Variants in EXOSC10 observed in about 807,000 individuals in gnomAD.
EXOSC10 encodes the protein exosome component 10.
In EXOSC10, 94 loss-of-function variants were observed where a neutral mutation model predicts 126.6. The ratio of observed to expected loss-of-function variants is 0.74; its 90% CI spans 0.63 to 0.88. The LOEUF (loss-of-function observed/expected upper bound fraction) is 0.88, where lower values mean the gene tolerates loss of function less well. Ranked by LOEUF, EXOSC10 falls within the 40% of genes least tolerant of loss-of-function variation. The pLI, the probability that EXOSC10 is intolerant of heterozygous loss-of-function variation, is 0.00. For missense variants in EXOSC10, 1,041 were observed against 1,100.5 expected (o/e 0.95, Z 0.77); for synonymous variants, 395 against 400.8 (o/e 0.99, Z 0.17).
intron 19 of EXOSC10, 58 bp from the exon 20 acceptor site, chr1:11,072,229 T>A: frequency 7.5e-7 from 1 of 1,336,132 alleles, no homozygotes; most frequent in Non-Finnish European, 1.1e-6. Flanking sequence ...CCTAAGTCTG[T>A]CTTACTTTTC....
intron 2 of EXOSC10, among the ~76,000 whole-genome samples, chr1:11,097,725 C>CA (rs561697293): frequency 0.048 from 6,244 of 129,450 alleles, 352 homozygotes; most frequent in African/African-American, 0.13. Context: ...GACTCCGTCT[C>CA]AAAAAAAAAA....
chr1:11,091,626 A>G lies in EXOSC10; in HGVS notation c.373-29T>C, dbSNP rs748028426. 12 of 1,569,584 alleles carry G rather than the reference A, an allele frequency of 7.6e-6. No individual in the cohort carries two copies. The East Asian group carries it at 1.1e-4, about 15-fold the overall frequency. On this transcript the variant is annotated intron_variant, in intron 3 of 24. Transcript: ENST00000376936. ...AGAGTAGAAGAGGTACTGGTTAAGC[A>G]TTTTTCCTTTTGAGGTTAGCAGAGT...
chr1:11,077,686 G>A, intron 14 of EXOSC10, 35 bp from the exon 15 acceptor site: 1 of 1,586,754 alleles, frequency 6.3e-7, no homozygotes, highest in Non-Finnish European at 8.6e-7. Flanking sequence ...GAGGAAAGTT[G>A]CCCAAGCACC....
chr1:11,096,626 G>A (rs1024121497), intron 2 of EXOSC10, among the ~76,000 whole-genome samples: 1 of 151,090 alleles, frequency 6.6e-6, no homozygotes, highest in South Asian at 2.1e-4. Flanking sequence ...TGGGAGTGGT[G>A]CACCACCACT....
rs1570846441 is a variant in EXOSC10 at position 11,090,609 on chromosome 1, G to C, written c.703C>G (p.Pro235Ala). Residue 235 changes from proline (P) to alanine (A), a missense_variant, in exon 6 of 25, where the codon CCT (proline) becomes GCT (alanine). By Grantham distance (27) the Pro-to-Ala change is conservative. Transcript: ENST00000376936. ...TGATGGATGAAATCAGCCAGTGCAG[G>C]GGGGACGTCCAAGTCCTCAGGACGA... is the stretch of plus-strand genomic sequence containing the variant. ...QDRPEDLDVPPALADFIHQQR... is the reference protein window; with the variant it reads ...QDRPEDLDVPAALADFIHQQR... 4 of 1,614,116 alleles carry C rather than the reference G, an allele frequency of 2.5e-6. No individual in the cohort carries two copies. The South Asian group carries it at 4.4e-5, about 18-fold the overall frequency.
chr1:11,068,949 G>C, intron 22 of EXOSC10: 1 of 562,582 alleles, frequency 1.8e-6, no homozygotes, highest in Non-Finnish European at 3.2e-6. Context: ...TTAGGGGCAG[G>C]TGGCTACAGC....
At chr1:11,074,138 C>G (rs1378131331) in intron 18 of EXOSC10, 93 bp downstream of exon 18, 1 of 1,384,512 alleles carries the variant, frequency 7.2e-7, no homozygotes, top group African/African-American at 1.4e-5. Flanking sequence ...GCAGCCGACA[C>G]ACTGGCTTCA....
At position 11,077,356 on chromosome 1, in the gene EXOSC10, C is replaced by T. The variant is rs368328243; in HGVS notation, c.1879+9G>A. The T allele has an allele frequency of 3.9e-5, 63 of 1,606,760 alleles. No homozygotes were observed. The highest frequency in any genetic ancestry group is 3.6e-4 in the East Asian group (16 of 44,686). On this transcript the variant is annotated intron_variant, in intron 16 of 24. Transcript: ENST00000376936. Reference sequence around the variant, plus strand: ...TCTTCGGGACAGTCAGGAGGGCTCTCGACTTTACCACTGGTTGGGATGATT... The same window carrying T: ...TCTTCGGGACAGTCAGGAGGGCTCTTGACTTTACCACTGGTTGGGATGATT...
chr1:11,090,510 G>C (rs375671808), intron 6 of EXOSC10, 44 bp downstream of exon 6: 1 of 1,491,664 alleles, frequency 6.7e-7, no homozygotes, highest in African/African-American at 1.4e-5. Context: ...GTGGCAAAAA[G>C]GTAAGTACTC....
At position 11,070,720 on chromosome 1, in the gene EXOSC10, T is replaced by C. The variant is rs1570787389; in HGVS notation, c.2316+180A>G. On this transcript the variant is annotated intron_variant, in intron 21 of 24. Transcript: ENST00000376936. ...AAGAAGGTTAAGAGGAATTACAATA[T>C]CAATCTTGTGGAGGTTTCGGAAATG... 28 of 589,602 alleles carry C rather than the reference T, an allele frequency of 4.7e-5. No individual in the cohort carries two copies. In the East Asian group the frequency reaches 7.8e-4, roughly 16 times the overall value. 36.5% of individuals were successfully genotyped at this position (589,602 alleles called of 1,614,324 possible). A position where few individuals can be genotyped will look rare whatever the true frequency, so the allele number is the denominator to read the frequency against.
At chr1:11,068,759 C>T in intron 22 of EXOSC10, 53 bp from the exon 23 acceptor site, 1 of 1,417,044 alleles carries the variant, frequency 7.1e-7, no homozygotes. Flanking sequence ...AGTTACCACA[C>T]ATCACAGGCT....
At position 11,076,957 on chromosome 1, in the gene EXOSC10, G is replaced by A. The variant is rs1557700017; in HGVS notation, c.1880-9C>T. ...CTGAACTGGCACAGATCCTAGAGGA[G>A]CAGAAGATAGTAAGGTCAAAGCCTA... On this transcript the variant is annotated splice_polypyrimidine_tract_variant and intron_variant, in intron 16 of 24. Transcript: ENST00000376936. 7 of 1,602,002 alleles carry A rather than the reference G, an allele frequency of 4.4e-6. No individual in the cohort carries two copies. Among genetic ancestry groups the A allele is most frequent in the South Asian group, 1.1e-5 (1 of 90,838 alleles).
chr1:11,080,911 T>G lies in EXOSC10; in HGVS notation c.1439A>C (p.Lys480Thr). Residue 480 changes from lysine (K) to threonine (T), a missense_variant and splice_region_variant, in exon 12 of 25, where the codon AAA (lysine) becomes ACA (threonine). Lys to Thr is a moderately conservative substitution (Grantham distance 78). Transcript: ENST00000376936. ...WQRSRDICLKKFIKPIFTDES... is the reference protein window; with the variant it reads ...WQRSRDICLKTFIKPIFTDES... ...ATCCGTGAAGATAGGTTTGATGAAT[T>G]TCTACAAAGTATTAGAGAACATTCA... is the stretch of plus-strand genomic sequence containing the variant. The G allele has an allele frequency of 6.2e-7, 1 of 1,603,794 alleles. No individual in the cohort carries two copies. The highest frequency in any genetic ancestry group is 1.7e-4 in the Middle Eastern group (1 of 5,972).
At chr1:11,089,345 C>T (rs1216472952) in intron 6 of EXOSC10, among the ~76,000 whole-genome samples, 3 of 150,954 alleles carry the variant, frequency 2.0e-5, no homozygotes, top group African/African-American at 4.9e-5. Flanking sequence ...TGCGGTGGCT[C>T]GGGCCTGTAA....
chr1:11,069,024 G>C lies in EXOSC10; in HGVS notation c.2489-318C>G, dbSNP rs961986848. The C allele has an allele frequency of 1.1e-5, 4 of 376,080 alleles. No individual in the cohort carries two copies. The East Asian group carries it at 2.1e-4, about 20-fold the overall frequency. 23.3% of individuals were successfully genotyped at this position (376,080 alleles called of 1,614,324 possible). A position where few individuals can be genotyped will look rare whatever the true frequency, so the allele number is the denominator to read the frequency against. ...TGCTGGGTGATGCCATAAGGAACTC[G>C]GGCTCTGAGGCGACACTCCTGTATA... On this transcript the variant is annotated intron_variant, in intron 22 of 24. Transcript: ENST00000376936.
chr1:11,084,046 G>A (rs1302151734), intron 9 of EXOSC10, among the ~76,000 whole-genome samples: 1 of 152,150 alleles, frequency 6.6e-6, no homozygotes, highest in Non-Finnish European at 1.5e-5. Context: ...ATTTGGGTTG[G>A]TTCCAAGTCT....
rs1484805153 is a variant in EXOSC10, at chr1:11,088,318, C to T, written c.759-120G>A. The T allele has an allele frequency of 4.7e-6, 3 of 634,912 alleles. No individual in the cohort carries two copies. In the Admixed American group the frequency reaches 1.0e-4, roughly 21 times the overall value. The allele number at this position is 634,912 out of a possible 1,614,324, so 39.3% of individuals were successfully genotyped here. ...GAAAAGACCACTGTGAAAATATCTT[C>T]CCTTTACAAAGAGCTTATTTCAGTA... is the stretch of plus-strand genomic sequence containing the variant. On this transcript the variant is annotated intron_variant, in intron 6 of 24. Coordinates refer to ENST00000376936, the MANE Select transcript of EXOSC10 (RefSeq NM_001001998.3).
chr1:11,092,700 G>C (rs1640874041), intron 3 of EXOSC10, among the ~76,000 whole-genome samples: 1 of 151,980 alleles, frequency 6.6e-6, no homozygotes, highest in Non-Finnish European at 1.5e-5. Context: ...GTATTTTTTA[G>C]TAGAGATGGG....
At chr1:11,094,668 G>A (rs907859793) in intron 3 of EXOSC10, among the ~76,000 whole-genome samples, 10 of 138,266 alleles carry the variant, frequency 7.2e-5, no homozygotes, top group East Asian at 6.7e-4. Flanking sequence ...TGGCATGATC[G>A]CGGCTCACTG....
Sources: allele counts gnomAD v4.1 joint callset (sites outside exome capture counted in the v4.1 genomes callset), GRCh38; gene constraint gnomAD v4.1.1; transcripts MANE v1.5; gene names NCBI Gene and HGNC (gene_info 2026-07-23, HGNC 2026-07-21).